The following MDGA2 variants were observed in gnomAD, a reference collection of about 807,000 sequenced individuals.
The protein encoded by MDGA2 is MAM domain containing glycosylphosphatidylinositol anchor 2, also known as MAM domain-containing glycosylphosphatidylinositol anchor protein 2.
Under a neutral mutation model 117.8 loss-of-function variants are expected in MDGA2, and 40 were observed. The ratio of observed to expected loss-of-function variants is 0.34; its 90% CI spans 0.26 to 0.44. The LOEUF is 0.44. Among genes scored for constraint, MDGA2 ranks in the 20% least tolerant of loss-of-function variants. The pLI is 1.00. For missense variants in MDGA2, 1,123 were observed against 1,250.6 expected (o/e 0.90, Z 1.54); for synonymous variants, 452 against 439.0 (o/e 1.03, Z -0.37).
chr14:46,888,982 C>G (rs1337190022), intron 10 of MDGA2, among the ~76,000 whole-genome samples: 1 of 151,908 alleles, frequency 6.6e-6, no homozygotes, highest in African/African-American at 2.4e-5. Context: ...CCCTAAATCA[C>G]TCACACTAAT....
chr14:47,455,577 A>T (rs1471996081), intron 1 of MDGA2, among the ~76,000 whole-genome samples: 7 of 152,204 alleles, frequency 4.6e-5, no homozygotes, highest in Admixed American at 4.6e-4. Flanking sequence ...GGCATAGTAA[A>T]TATTAGATAA....
chr14:47,178,238 C>A (rs577581564), intron 3 of MDGA2, among the ~76,000 whole-genome samples: 3 of 152,216 alleles, frequency 2.0e-5, no homozygotes, highest in African/African-American at 7.2e-5. Flanking sequence ...TGGTTTAAAA[C>A]AAGAAATGCA....
At chr14:47,347,800 T>C (rs774012930) in intron 1 of MDGA2, among the ~76,000 whole-genome samples, 2 of 152,132 alleles carry the variant, frequency 1.3e-5, no homozygotes, top group Non-Finnish European at 2.9e-5. Flanking sequence ...ATGTCCAATA[T>C]GTAAAAATGG....
chr14:46,899,706 G>T (rs1883211977), intron 10 of MDGA2, among the ~76,000 whole-genome samples: 1 of 151,984 alleles, frequency 6.6e-6, no homozygotes, highest in Non-Finnish European at 1.5e-5. Context: ...CAAGGAAACA[G>T]AAGTGATTTT....
intron 2 of MDGA2, among the ~76,000 whole-genome samples, chr14:47,230,323 G>C (rs1310630434): frequency 2.0e-5 from 3 of 151,926 alleles, no homozygotes; most frequent in African/African-American, 7.2e-5. Flanking sequence ...AGGCATATAG[G>C]TTTGACAGAG....
intron 9 of MDGA2, among the ~76,000 whole-genome samples, chr14:46,930,697 C>T (rs1484494927): frequency 6.6e-6 from 1 of 152,124 alleles, no homozygotes; most frequent in African/African-American, 2.4e-5. Flanking sequence ...CTTATAACTA[C>T]CTTCATTTTG....
At position 47,144,413 on chromosome 14, in the gene MDGA2, A is replaced by G. The variant is rs541783564; in HGVS notation, c.596-139T>C. The G allele has an allele frequency of 8.9e-6, 5 of 564,886 alleles. No homozygotes were observed. In the South Asian group the frequency reaches 1.3e-4, roughly 15 times the overall value. 35.0% of individuals were successfully genotyped at this position (564,886 alleles called of 1,614,324 possible). On this transcript the variant is annotated intron_variant, in intron 3 of 16. Coordinates refer to ENST00000399232, the MANE Select transcript of MDGA2 (RefSeq NM_001113498.3). ...CCACTAGGTACTCTTTTTTTCACTCAGCTTATTGAATTCATTTACAAAGAC... is the reference window on the plus strand; with the variant it reads ...CCACTAGGTACTCTTTTTTTCACTCGGCTTATTGAATTCATTTACAAAGAC...
chr14:47,606,207 C>T (rs1896740994), intron 1 of MDGA2, among the ~76,000 whole-genome samples: 1 of 152,074 alleles, frequency 6.6e-6, no homozygotes, highest in Non-Finnish European at 1.5e-5. Flanking sequence ...GTATCTAGAA[C>T]ATATGTGTTT....
intron 1 of MDGA2, among the ~76,000 whole-genome samples, chr14:47,411,274 A>C (rs1892367123): frequency 1.3e-5 from 2 of 152,180 alleles, no homozygotes; most frequent in Non-Finnish European, 2.9e-5. Context: ...ACAACAACAA[A>C]AAAACTCCCA....
At chr14:47,080,726 T>C (rs2138888109) in intron 6 of MDGA2, among the ~76,000 whole-genome samples, 1 of 152,298 alleles carries the variant, frequency 6.6e-6, no homozygotes, top group South Asian at 2.1e-4. Context: ...TCTAGCCTTT[T>C]CCATTGTGTT....
intron 1 of MDGA2, among the ~76,000 whole-genome samples, chr14:47,558,075 A>C (rs936167258): frequency 1.3e-5 from 2 of 152,224 alleles, no homozygotes; most frequent in African/African-American, 4.8e-5. Context: ...GTCGACAGTG[A>C]AAATGAAGGC....
At chr14:47,353,441 C>T (rs1285372891) in intron 1 of MDGA2, among the ~76,000 whole-genome samples, 1 of 152,144 alleles carries the variant, frequency 6.6e-6, no homozygotes, top group Non-Finnish European at 1.5e-5. Flanking sequence ...CTCAGTAAGT[C>T]ATGTGTTACA....
At chr14:47,263,187 T>C (rs565674770) in intron 2 of MDGA2, among the ~76,000 whole-genome samples, 1 of 150,516 alleles carries the variant, frequency 6.6e-6, no homozygotes, top group East Asian at 1.9e-4. Flanking sequence ...TGGCACTGCA[T>C]AGTTGGGTCA....
chr14:47,441,795 C>T (rs1026671991), intron 1 of MDGA2, among the ~76,000 whole-genome samples: 5 of 152,070 alleles, frequency 3.3e-5, no homozygotes, highest in Non-Finnish European at 7.4e-5. Context: ...TAAACCAGTA[C>T]TTGAAGTTTT....
intron 14 of MDGA2, among the ~76,000 whole-genome samples, chr14:46,862,757 AAG>A (rs1397073116): frequency 2.4e-4 from 36 of 152,216 alleles, no homozygotes; most frequent in Admixed American, 4.6e-4. Context: ...AGCTCTAGGC[AAG>A]ATCTATGTAT....
At chr14:47,439,818 A>AGTGTGTGTGTGT (rs3039634) in intron 1 of MDGA2, among the ~76,000 whole-genome samples, 10 of 150,304 alleles carry the variant, frequency 6.7e-5, no homozygotes, top group East Asian at 2.0e-4. Context: ...TCACTAAGGG[A>AGTGTGTGTGTGT]GTGTGTGTGT....
At chr14:47,440,468 T>A (rs2138546194) in intron 1 of MDGA2, among the ~76,000 whole-genome samples, 1 of 152,268 alleles carries the variant, frequency 6.6e-6, no homozygotes, top group East Asian at 1.9e-4. Flanking sequence ...CGTCTGCTTA[T>A]TGGGACAGTG....
At chr14:47,513,650 G>A (rs1013548274) in intron 1 of MDGA2, among the ~76,000 whole-genome samples, 10 of 151,798 alleles carry the variant, frequency 6.6e-5, no homozygotes, top group East Asian at 3.9e-4. Flanking sequence ...ACATTTCTTC[G>A]GATACATATT....
intron 1 of MDGA2, among the ~76,000 whole-genome samples, chr14:47,632,962 T>C (rs975177558): frequency 2.0e-5 from 3 of 152,194 alleles, no homozygotes; most frequent in Admixed American, 1.3e-4. Flanking sequence ...ACCTCCTCTT[T>C]AAAATGAGGA....
Sources: gnomAD v4.1 joint callset for allele counts (sites outside exome capture counted in the v4.1 genomes callset) on GRCh38, gnomAD v4.1.1 for gene constraint, MANE v1.5 for transcripts, NCBI Gene and HGNC (gene_info 2026-07-23, HGNC 2026-07-21) for gene names.